The following FHIT variants were observed in gnomAD, a reference collection of about 807,000 sequenced individuals.
FHIT encodes the protein bis(5'-adenosyl)-triphosphatase.
Under a neutral mutation model 17.9 loss-of-function variants are expected in FHIT, and 19 were observed. The observed-to-expected ratio is 1.06, with a 90% CI of 0.74 to 1.56. The LOEUF is 1.56. Ranked by LOEUF, FHIT falls within the 40% of genes most tolerant of loss-of-function variation. The pLI is 0.00. For missense variants in FHIT, 248 were observed against 189.2 expected, an observed-to-expected ratio of 1.31 and a Z score of -1.82; for synonymous variants, 81 against 69.7, an observed-to-expected ratio of 1.16 and a Z score of -0.81.
At chr3:60,650,169 T>G (rs1370062745) in intron 4 of FHIT, among the ~76,000 whole-genome samples, 1 of 152,202 alleles carries the variant, frequency 6.6e-6, no homozygotes, top group Non-Finnish European at 1.5e-5. Context: ...TTCAAGTGGA[T>G]GTAAAAGTAT....
chr3:60,475,453 C>T (rs972278896), intron 5 of FHIT, among the ~76,000 whole-genome samples: 5 of 152,166 alleles, frequency 3.3e-5, no homozygotes, highest in African/African-American at 1.2e-4. Context: ...AAAGCTCCAT[C>T]TTTAGAGAAA....
chr3:61,178,425 G>A (rs918427920), intron 2 of FHIT, among the ~76,000 whole-genome samples: 9 of 151,138 alleles, frequency 6.0e-5, no homozygotes, highest in African/African-American at 2.2e-4. Context: ...GGTGGGCATT[G>A]GGGATAAGAG....
At chr3:60,731,052 A>T (rs1577130683) in intron 4 of FHIT, among the ~76,000 whole-genome samples, 1 of 152,078 alleles carries the variant, frequency 6.6e-6, no homozygotes, top group South Asian at 2.1e-4. Flanking sequence ...AATTGCTTGA[A>T]CTTGGCAGGC....
rs1018270011 is a variant in FHIT, at chr3:60,144,228, T to A, written c.104-130076A>T. ...ATTTACACATGGATAATGAAACTCA[T>A]GAGCAAGGCTGGGGAGACCAACTAA... On this transcript the variant is annotated intron_variant, in intron 5 of 9. Coordinates refer to ENST00000492590, the MANE Select transcript of FHIT (RefSeq NM_002012.4). 2.0e-5 allele frequency among the ~76,000 whole-genome samples: 3 copies of A among 152,314 alleles called. No homozygotes were observed. In the East Asian group the frequency reaches 5.8e-4, roughly 29 times the overall value.
intron 5 of FHIT, among the ~76,000 whole-genome samples, chr3:60,282,371 G>T (rs1234932199): frequency 3.3e-5 from 5 of 152,074 alleles, no homozygotes; most frequent in Non-Finnish European, 5.9e-5. Context: ...CAGACATACT[G>T]CCATATGACA....
intron 5 of FHIT, among the ~76,000 whole-genome samples, chr3:60,019,032 G>C (rs557191359): frequency 6.6e-6 from 1 of 152,282 alleles, no homozygotes; most frequent in African/African-American, 2.4e-5. Flanking sequence ...ACTACCATAA[G>C]TCTGTGGATG....
At chr3:59,913,883 C>A (rs558873073) in intron 8 of FHIT, among the ~76,000 whole-genome samples, 1 of 152,176 alleles carries the variant, frequency 6.6e-6, no homozygotes, top group Admixed American at 6.5e-5. Context: ...GGTATACCAG[C>A]TATTTCTTGA....
chr3:60,571,314 C>T (rs1266283629), intron 4 of FHIT, among the ~76,000 whole-genome samples: 1 of 109,134 alleles, frequency 9.2e-6, no homozygotes, highest in Admixed American at 1.4e-4. Context: ...CCAGCCTGGG[C>T]AACAGGGCAA....
intron 8 of FHIT, among the ~76,000 whole-genome samples, chr3:59,879,473 G>T (rs945115145): frequency 6.6e-6 from 1 of 152,104 alleles, no homozygotes; most frequent in Admixed American, 6.6e-5. Flanking sequence ...CTATCTGCAA[G>T]ATAGAAAACA....
intron 4 of FHIT, among the ~76,000 whole-genome samples, chr3:60,757,252 C>A (rs923100146): frequency 1.3e-5 from 2 of 152,128 alleles, no homozygotes. Flanking sequence ...TACTCAATCA[C>A]CCAATATTTA....
chr3:60,752,525 G>A (rs2042487922), intron 4 of FHIT, among the ~76,000 whole-genome samples: 2 of 152,148 alleles, frequency 1.3e-5, no homozygotes, highest in South Asian at 4.2e-4. Context: ...GGTGCCAAGT[G>A]AGACCTCCTC....
At chr3:60,459,001 C>T (rs946245404) in intron 5 of FHIT, among the ~76,000 whole-genome samples, 5 of 151,764 alleles carry the variant, frequency 3.3e-5, no homozygotes, top group Admixed American at 6.6e-5. Flanking sequence ...GGGCTGGTTT[C>T]GAGCTCCTGG....
At chr3:59,859,007 G>A (rs1702294887) in intron 8 of FHIT, among the ~76,000 whole-genome samples, 1 of 152,160 alleles carries the variant, frequency 6.6e-6, no homozygotes, top group Admixed American at 6.5e-5. Context: ...GGAACAATAA[G>A]CATGCTAAGC....
intron 3 of FHIT, among the ~76,000 whole-genome samples, chr3:60,960,905 G>C (rs1177316202): frequency 6.6e-6 from 1 of 152,218 alleles, no homozygotes; most frequent in Non-Finnish European, 1.5e-5. Context: ...GTGTGCATGT[G>C]TCTTTATAGC....
chr3:60,182,615 A>G (rs1701984745), intron 5 of FHIT, among the ~76,000 whole-genome samples: 1 of 151,818 alleles, frequency 6.6e-6, no homozygotes, highest in Non-Finnish European at 1.5e-5. Flanking sequence ...CTGTCTCTAC[A>G]AAAAAATATA....
chr3:60,678,872 T>G (rs142955725), intron 4 of FHIT, among the ~76,000 whole-genome samples: 110 of 142,498 alleles, frequency 7.7e-4, no homozygotes, highest in African/African-American at 2.6e-3. Context: ...CCACAAGCTC[T>G]TCCTGAAACA....
At position 59,942,227 on chromosome 3, in the gene FHIT, ACATATTTAGTCTCT is replaced by A. The variant is rs369713548; in HGVS notation, c.280-19827_280-19814del. Among the ~76,000 whole-genome samples the A allele has an allele frequency of 8.6e-4, 131 of 152,220 alleles. 1 individual carries two copies. Among genetic ancestry groups the A allele is most frequent in the African/African-American group, 3.1e-3 (127 of 41,504 alleles). On this transcript the variant is annotated intron_variant, in intron 7 of 9. Coordinates refer to ENST00000492590, the MANE Select transcript of FHIT (RefSeq NM_002012.4). ...TGGACTGCAGCCCCTGGCTGTGAAT[ACATATTTAGTCTCT>A]CAGCCTGCCCTTCCTATAGACATAT...
intron 4 of FHIT, among the ~76,000 whole-genome samples, chr3:60,813,918 C>T (rs1376955517): frequency 1.3e-5 from 2 of 152,086 alleles, no homozygotes; most frequent in South Asian, 2.1e-4. Context: ...CTCTAGACTT[C>T]CTATGCTGTT....
Position 60,353,212 on chromosome 3 carries a change from C to G in FHIT, c.103+183648G>C, listed in dbSNP as rs370697493. Among the ~76,000 whole-genome samples the G allele has an allele frequency of 4.6e-5, 7 of 152,248 alleles. No homozygotes were observed. In the South Asian group the frequency reaches 1.5e-3, roughly 32 times the overall value. On this transcript the variant is annotated intron_variant, in intron 5 of 9. Coordinates refer to ENST00000492590, the MANE Select transcript of FHIT (RefSeq NM_002012.4). Reference sequence around the variant, plus strand: ...AAATTCAGACCCATTTACCATGAAGCTGAATCCTCCACTGCTTCTCTAACT... The same window carrying G: ...AAATTCAGACCCATTTACCATGAAGGTGAATCCTCCACTGCTTCTCTAACT...
Sources: allele counts gnomAD v4.1 joint callset (sites outside exome capture counted in the v4.1 genomes callset), GRCh38; gene constraint gnomAD v4.1.1; transcripts MANE v1.5; gene names NCBI Gene and HGNC (gene_info 2026-07-23, HGNC 2026-07-21).